Variants in DPYD observed in about 807,000 individuals in gnomAD.
The protein encoded by DPYD is dihydropyrimidine dehydrogenase [NADP(+)].
In DPYD, 109 loss-of-function variants were observed where a neutral mutation model predicts 116.2. The observed-to-expected ratio is 0.94, with a 90% CI of 0.80 to 1.10. The LOEUF (loss-of-function observed/expected upper bound fraction) is 1.10, where lower values mean the gene tolerates loss of function less well. Among genes scored for constraint, DPYD ranks in the 50% least tolerant of loss-of-function variants. DPYD has a pLI of 0.00. For synonymous variants in DPYD, 440 were observed against 432.0 expected (o/e 1.02, Z -0.23); for missense variants, 1,302 against 1,254.5 (o/e 1.04, Z -0.57).
At chr1:97,561,467 G>T (rs754407111) in intron 11 of DPYD, among the ~76,000 whole-genome samples, 24 of 151,926 alleles carry the variant, frequency 1.6e-4, no homozygotes, top group Non-Finnish European at 3.4e-4. Context: ...TGGATCTTTG[G>T]GTTAAAATAT....
intron 14 of DPYD, among the ~76,000 whole-genome samples, chr1:97,442,881 C>A (rs1322495886): frequency 6.6e-6 from 1 of 152,092 alleles, no homozygotes; most frequent in Non-Finnish European, 1.5e-5. Flanking sequence ...CTCCCTTTCA[C>A]AACATACAAA....
At chr1:97,155,388 G>T (rs540572689) in intron 20 of DPYD, among the ~76,000 whole-genome samples, 16 of 152,086 alleles carry the variant, frequency 1.1e-4, no homozygotes, top group African/African-American at 3.6e-4. Context: ...TATGAAACCA[G>T]AGCTCTTCTG....
chr1:97,302,194 A>G (rs1434037914), intron 18 of DPYD, among the ~76,000 whole-genome samples: 1 of 151,968 alleles, frequency 6.6e-6, no homozygotes, highest in Non-Finnish European at 1.5e-5. Flanking sequence ...TTACATCTAT[A>G]CTGTCCAAAG....
chr1:97,510,326 T>G (rs1387256081), intron 13 of DPYD, among the ~76,000 whole-genome samples: 1 of 103,532 alleles, frequency 9.7e-6, no homozygotes, highest in Non-Finnish European at 2.3e-5. Context: ...GATTGCTATG[T>G]GCCTTCCATT....
chr1:97,864,979 C>T (rs1198898359), intron 2 of DPYD, among the ~76,000 whole-genome samples: 3 of 151,802 alleles, frequency 2.0e-5, no homozygotes, highest in African/African-American at 2.4e-5. Flanking sequence ...GTTGTAATAA[C>T]ATACTTTCAC....
In DPYD at chr1:97,284,948, G is replaced by A. The variant is rs115139581; in HGVS notation, c.2299+20311C>T. On this transcript the variant is annotated intron_variant, in intron 18 of 22. Coordinates refer to ENST00000370192, the MANE Select transcript of DPYD (RefSeq NM_000110.4). ...CTGTATCTTCTTGTTTCAACCCAGT[G>A]TGAATTGCCCTGCTTTTTCTGTCTG... 8.4e-3 allele frequency among the ~76,000 whole-genome samples: 1,275 copies of A among 152,222 alleles called. 5 individuals carry two copies. Among genetic ancestry groups the A allele is most frequent in the Non-Finnish European group, 0.013 (866 of 68,028 alleles).
chr1:97,398,576 T>C (rs1673153478), intron 14 of DPYD, among the ~76,000 whole-genome samples: 1 of 152,140 alleles, frequency 6.6e-6, no homozygotes, highest in Admixed American at 6.6e-5. Context: ...TGTAATAGTG[T>C]TCCTGTTTCT....
At chr1:97,559,271 A>G (rs1384461275) in intron 11 of DPYD, among the ~76,000 whole-genome samples, 2 of 152,180 alleles carry the variant, frequency 1.3e-5, no homozygotes, top group Non-Finnish European at 2.9e-5. Flanking sequence ...CATTTGCTGC[A>G]TTTAACGGAA....
At chr1:97,377,263 G>GA (rs1252257439) in intron 15 of DPYD, among the ~76,000 whole-genome samples, 4 of 151,704 alleles carry the variant, frequency 2.6e-5, no homozygotes, top group Non-Finnish European at 5.9e-5. Context: ...AAACAGAAAA[G>GA]AAAAATAAGA....
chr1:97,399,708 C>A (rs916584171), intron 14 of DPYD, among the ~76,000 whole-genome samples: 5 of 151,986 alleles, frequency 3.3e-5, no homozygotes, highest in African/African-American at 1.2e-4. Flanking sequence ...CTCTTTGAAG[C>A]AATTGTGAAT....
At position 97,464,283 on chromosome 1, in the gene DPYD, TAAAGAAAAG is replaced by T. The variant is rs1296407748; in HGVS notation, c.1741-14069_1741-14061del. Among the ~76,000 whole-genome samples, 9 of 116,176 alleles carry T rather than the reference TAAAGAAAAG, an allele frequency of 7.7e-5. No homozygotes were observed. In the South Asian group the frequency reaches 1.4e-3, roughly 18 times the overall value. The allele number at this position is 116,176 out of a possible 152,430, so 76.2% of individuals were successfully genotyped here. A position where few individuals can be genotyped will look rare whatever the true frequency, so the allele number is the denominator to read the frequency against. On this transcript the variant is annotated intron_variant, in intron 13 of 22. Transcript: ENST00000370192. ...TAAAATAAAATAAAATAAAATAAAATAAAGAAAAGAAAATTTTCAACCTGGCAATGAGAT... is the reference window on the plus strand; with the variant it reads ...TAAAATAAAATAAAATAAAATAAAATAAAATTTTCAACCTGGCAATGAGAT...
At chr1:97,107,016 A>C (rs554873008) in intron 20 of DPYD, among the ~76,000 whole-genome samples, 4 of 152,106 alleles carry the variant, frequency 2.6e-5, no homozygotes, top group Admixed American at 6.5e-5. Flanking sequence ...TAATACACGT[A>C]GTATTCGGGA....
At position 97,090,750 on chromosome 1, in the gene DPYD, T is replaced by G. The variant is rs554960526; in HGVS notation, c.2766+7739A>C. On this transcript the variant is annotated intron_variant, in intron 21 of 22. Coordinates refer to ENST00000370192, the MANE Select transcript of DPYD (RefSeq NM_000110.4). ...CTTTCTTTTTAAAATTCACGTTGTA[T>G]TCCTAGTTTCTAGCACAATTTCTGG... is the stretch of plus-strand genomic sequence containing the variant. 3.3e-5 allele frequency among the ~76,000 whole-genome samples: 5 copies of G among 152,354 alleles called. No homozygotes were observed. The South Asian group carries it at 1.0e-3, about 32-fold the overall frequency.
intron 16 of DPYD, chr1:97,308,251 T>A (rs1424492694): frequency 6.6e-6 from 1 of 151,776 alleles, no homozygotes; most frequent in Non-Finnish European, 1.5e-5. Context: ...AACACATGGT[T>A]TTTTTTGGTT....
intron 18 of DPYD, among the ~76,000 whole-genome samples, chr1:97,244,738 T>C (rs760291509): frequency 1.4e-4 from 21 of 152,048 alleles, no homozygotes; most frequent in Admixed American, 4.6e-4. Context: ...GAACAAGTAG[T>C]AAATTTTTCT....
At chr1:97,357,624 T>A (rs1382461927) in intron 16 of DPYD, among the ~76,000 whole-genome samples, 2 of 152,172 alleles carry the variant, frequency 1.3e-5, no homozygotes, top group African/African-American at 4.8e-5. Context: ...GTTTTCTGTA[T>A]AGCCTTCACC....
intron 13 of DPYD, among the ~76,000 whole-genome samples, chr1:97,480,917 T>G (rs964190765): frequency 6.6e-6 from 1 of 151,936 alleles, no homozygotes; most frequent in Non-Finnish European, 1.5e-5. Context: ...GAGGCGGAGG[T>G]TGCAGTGAGC....
intron 11 of DPYD, among the ~76,000 whole-genome samples, chr1:97,572,356 G>A (rs757181380): frequency 4.0e-5 from 6 of 151,720 alleles, no homozygotes; most frequent in Non-Finnish European, 5.9e-5. Flanking sequence ...TTATAAAATC[G>A]TATCTGAGAT....
chr1:97,348,134 T>C (rs1357311611), intron 16 of DPYD, among the ~76,000 whole-genome samples: 1 of 152,146 alleles, frequency 6.6e-6, no homozygotes, highest in African/African-American at 2.4e-5. Context: ...ATGTTTTCCA[T>C]CAACAAACAG....
Sources: gnomAD v4.1 joint callset for allele counts (sites outside exome capture counted in the v4.1 genomes callset) on GRCh38, gnomAD v4.1.1 for gene constraint, MANE v1.5 for transcripts, NCBI Gene and HGNC (gene_info 2026-07-23, HGNC 2026-07-21) for gene names.